CEP164: variants seen among roughly 807,000 people sequenced by gnomAD.
CEP164 encodes the protein centrosomal protein 164, also known as centrosomal protein of 164 kDa.
CEP164 carries 162 observed loss-of-function variants against 182.7 expected under a neutral mutation model. The ratio of observed to expected loss-of-function variants is 0.89; its 90% confidence interval spans 0.78 to 1.01. The LOEUF is 1.01. CEP164 is among the 50% of genes least tolerant of loss of function. CEP164 has a pLI of 0.00. For synonymous variants in CEP164, 661 were observed against 690.0 expected, an observed-to-expected ratio of 0.96 and a Z score of 0.66; for missense variants, 1,735 against 1,790.4, an observed-to-expected ratio of 0.97 and a Z score of 0.56.
rs146913027 is a variant in CEP164, at chr11:117,407,289, T to C, written c.3502-636T>C. On this transcript the variant is annotated intron_variant, in intron 27 of 32. Transcript: ENST00000278935. ...TGCTCTGCTTAACCCCTCTCAACCA[T>C]GGTGGTGGTGGTGATGAGAGTAATC... Among the ~76,000 whole-genome samples, 254 of 151,366 alleles carry C rather than the reference T, an allele frequency of 1.7e-3. 1 individual carries two copies. Among genetic ancestry groups the C allele is most frequent in the Non-Finnish European group, 2.2e-3 (147 of 67,830 alleles).
Position 117,362,723 on chromosome 11 carries a change from C to CT in CEP164, c.687+194dup, listed in dbSNP as rs112298587. On this transcript the variant is annotated intron_variant, in intron 7 of 32. Coordinates refer to ENST00000278935, the MANE Select transcript of CEP164 (RefSeq NM_014956.5). ...GTGCACCCAACACCACTATCCATTT[C>CT]TTTTTTTTTCTGCACTCCCCCGCCG... 2.0e-5 allele frequency among the ~76,000 whole-genome samples: 3 copies of CT among 151,686 alleles called. No individual in the cohort carries two copies. In the East Asian group the frequency reaches 5.8e-4, roughly 29 times the overall value.
intron 17 of CEP164, 32 bp from the exon 18 acceptor site, chr11:117,392,194 G>C: frequency 6.5e-7 from 1 of 1,539,940 alleles, no homozygotes; most frequent in Non-Finnish European, 8.8e-7. Flanking sequence ...TACCTGGCCA[G>C]CTTCACTCAC....
Position 117,392,558 on chromosome 11 carries a change from G to T in CEP164, c.2424G>T (p.Gln808His). Residue 808 changes from glutamine to histidine, a missense_variant, in exon 19 of 33, where the codon CAG becomes CAT. Physicochemically the swap from Gln to His is conservative, Grantham distance 24. Coordinates refer to ENST00000278935, the MANE Select transcript of CEP164 (RefSeq NM_014956.5). Reference sequence around the variant, plus strand: ...AACAGAAAGAGGAGGCCCAGCTGCAGAAGTGCCTTGGGCAAGTGGAGCACA... The same window carrying T: ...AACAGAAAGAGGAGGCCCAGCTGCATAAGTGCCTTGGGCAAGTGGAGCACA... ...EAQQKEEAQL[Q>H]KCLGQVEHRV... is the part of the protein sequence containing the mutation. 6.2e-7 allele frequency: 1 copy of T among 1,614,212 alleles called. No homozygotes were observed. Among genetic ancestry groups the T allele is most frequent in the Non-Finnish European group, 8.5e-7 (1 of 1,180,040 alleles).
intron 27 of CEP164, among the ~76,000 whole-genome samples, chr11:117,403,083 C>T (rs377105315): frequency 1.7e-4 from 26 of 152,324 alleles, no homozygotes; most frequent in African/African-American, 6.3e-4. Flanking sequence ...AGGTGGGTCT[C>T]CTGAATACAG....
At chr11:117,343,572 G>C (rs998435773) in intron 3 of CEP164, among the ~76,000 whole-genome samples, 3 of 151,396 alleles carry the variant, frequency 2.0e-5, no homozygotes, top group Non-Finnish European at 4.4e-5. Context: ...TGGTTTGGGG[G>C]TTCTTCCCTC....
intron 1 of CEP164, among the ~76,000 whole-genome samples, chr11:117,335,105 G>A (rs1330734098): frequency 6.6e-6 from 1 of 152,150 alleles, no homozygotes; most frequent in African/African-American, 2.4e-5. Context: ...AAGCCACCAG[G>A]CAGTGGGCCC....
chr11:117,337,247 G>A (rs773346178), intron 2 of CEP164, among the ~76,000 whole-genome samples: 2 of 152,106 alleles, frequency 1.3e-5, no homozygotes, highest in Non-Finnish European at 2.9e-5. Context: ...TCAGATGGTA[G>A]AGAGAGACCT....
At chr11:117,392,966 C>A in intron 19 of CEP164, 38 bp from the exon 20 acceptor site, 1 of 1,610,166 alleles carries the variant, frequency 6.2e-7, no homozygotes, top group Non-Finnish European at 8.5e-7. Flanking sequence ...TGGTCCGCCT[C>A]GGTTCTTCAT....
intron 11 of CEP164, among the ~76,000 whole-genome samples, chr11:117,376,617 A>T (rs1245744191): frequency 6.8e-6 from 1 of 147,980 alleles, no homozygotes; most frequent in Non-Finnish European, 1.5e-5. Context: ...CCTTTAGTGA[A>T]ATGTGTGCTA....
In CEP164 at chr11:117,390,826, A is replaced by G. The variant is rs142710882; in HGVS notation, c.1984A>G (p.Met662Val). 2 of 1,613,702 alleles carry G rather than the reference A, an allele frequency of 1.2e-6. No homozygotes were observed. The highest frequency in any genetic ancestry group is 1.7e-6 in the Non-Finnish European group (2 of 1,179,954). Residue 662 changes from methionine (M) to valine (V), a missense_variant, in exon 16 of 33, where the codon ATG becomes GTG. Transcript: ENST00000278935. ...QKAIEEEEAR[M>V]REEESQRLSW... ...AGCCATTGAGGAGGAGGAGGCCCGG[A>G]TGAGAGAGGAGGAAAGCCAGAGGCT...
intron 5 of CEP164, among the ~76,000 whole-genome samples, chr11:117,360,391 GAT>G (rs1451591780): frequency 3.3e-5 from 5 of 152,118 alleles, no homozygotes; most frequent in African/African-American, 1.2e-4. Flanking sequence ...GCTGGTCTGA[GAT>G]AGGGTCTTGT....
At position 117,394,865 on chromosome 11, in the gene CEP164, C is replaced by A; in HGVS notation, c.2761-55C>A. The A allele has an allele frequency of 6.4e-7, 1 of 1,561,130 alleles. No individual in the cohort carries two copies. The highest frequency in any genetic ancestry group is 8.8e-7 in the Non-Finnish European group (1 of 1,134,312). ...GTGGGTTCTGGAACCCCCTCCTGCC[C>A]CTCAGCTAATGCCTTACACTCTTTC... On this transcript the variant is annotated intron_variant, in intron 21 of 32. Transcript: ENST00000278935. This position sits in a 1 kb window ranked among gnomAD's most constrained non-coding sequence, Gnocchi z 4.0.
In CEP164 at chr11:117,362,011, C is replaced by G; in HGVS notation, c.552+18C>G. The G allele has an allele frequency of 6.5e-7, 1 of 1,541,150 alleles. No individual in the cohort carries two copies. Among genetic ancestry groups the G allele is most frequent in the Non-Finnish European group, 8.7e-7 (1 of 1,148,846 alleles). ...TCATGCTGGTAAGTACGTTCTCTTG[C>G]GTTCAGTGTCTGTAGTTCCTGTGGG... On this transcript the variant is annotated intron_variant, in intron 6 of 32. Transcript: ENST00000278935.
intron 19 of CEP164, 105 bp downstream of exon 19, chr11:117,392,732 C>T: frequency 4.1e-6 from 6 of 1,475,478 alleles, no homozygotes; most frequent in Non-Finnish European, 5.5e-6. Context: ...CTTTGGATGG[C>T]TCAGCTGGGG....
intron 4 of CEP164, among the ~76,000 whole-genome samples, chr11:117,347,193 A>C (rs573637035): frequency 1.6e-4 from 25 of 152,300 alleles, no homozygotes; most frequent in African/African-American, 5.8e-4. Flanking sequence ...AAGGACATTT[A>C]GATATTTTCC....
intron 4 of CEP164, among the ~76,000 whole-genome samples, chr11:117,348,912 C>T (rs1041553331): frequency 3.3e-5 from 5 of 152,206 alleles, no homozygotes; most frequent in African/African-American, 1.2e-4. Flanking sequence ...TTGTGTCTGA[C>T]TTCTTTCACT....
At chr11:117,329,901 A>C (rs2035935291) in intron 1 of CEP164, among the ~76,000 whole-genome samples, 1 of 144,824 alleles carries the variant, frequency 6.9e-6, no homozygotes, top group African/African-American at 2.6e-5. Context: ...TGAAAAGTGA[A>C]GATAATTCTA....
chr11:117,409,901 C>A lies in CEP164; in HGVS notation c.4032C>A (p.Leu1344=). 6.2e-7 allele frequency: 1 copy of A among 1,614,038 alleles called. No homozygotes were observed. The highest frequency in any genetic ancestry group is 1.1e-5 in the South Asian group (1 of 91,078). Residue 1344 remains leucine (L), a synonymous_variant, in exon 30 of 33, where the codon CTC becomes CTA. Transcript: ENST00000278935. The surrounding 1 kb of genome is among the most constrained non-coding windows in gnomAD (Gnocchi z 4.4). ...WAWDSGQGPR[L]PSSVAQTVDD... Reference sequence around the variant, plus strand: ...GGGATTCAGGGCAGGGGCCCAGGCTCCCCTCCTCTGTGGCTCAAACGGTGG... The same window carrying A: ...GGGATTCAGGGCAGGGGCCCAGGCTACCCTCCTCTGTGGCTCAAACGGTGG...
intron 4 of CEP164, among the ~76,000 whole-genome samples, chr11:117,347,438 C>T (rs1365308382): frequency 1.3e-5 from 2 of 151,676 alleles, no homozygotes; most frequent in African/African-American, 2.4e-5. Flanking sequence ...AGGCTGGGCA[C>T]GGTGGCTCAT....
Sources: allele counts gnomAD v4.1 joint callset (sites outside exome capture counted in the v4.1 genomes callset), GRCh38; gene constraint gnomAD v4.1.1; non-coding constraint Gnocchi (gnomAD v3.1); transcripts MANE v1.5; gene names NCBI Gene and HGNC (gene_info 2026-07-23, HGNC 2026-07-21).